QDPR: variants seen among roughly 807,000 people sequenced by gnomAD.
The protein encoded by QDPR is dihydropteridine reductase.
A neutral mutation model predicts 31.7 loss-of-function variants in QDPR; 23 were observed. The ratio of observed to expected loss-of-function variants is 0.73; its 90% CI spans 0.52 to 1.03. The LOEUF (loss-of-function observed/expected upper bound fraction) is 1.03, where lower values mean the gene tolerates loss of function less well. Ranked by LOEUF, QDPR falls within the 50% of genes least tolerant of loss-of-function variation. The probability of loss-of-function intolerance (pLI) is 0.00; values close to 1 mark genes in which losing one functional copy is unlikely to be tolerated. For missense variants in QDPR, 324 were observed against 323.8 expected, an observed-to-expected ratio of 1.00 and a Z score of 0.00; for synonymous variants, 124 against 124.7, an observed-to-expected ratio of 0.99 and a Z score of 0.03.
intron 3 of QDPR, 125 bp downstream of exon 3, chr4:17,504,254 G>T: frequency 1.3e-6 from 1 of 791,006 alleles, no homozygotes; most frequent in Non-Finnish European, 2.2e-6. Context: ...CTCTCCCCGA[G>T]CAACTGTAAA....
intron 6 of QDPR, among the ~76,000 whole-genome samples, chr4:17,488,466 A>G (rs1718048179): frequency 6.6e-6 from 1 of 152,148 alleles, no homozygotes; most frequent in Non-Finnish European, 1.5e-5. Context: ...AAAACAGACT[A>G]TTACAATAAA....
chr4:17,504,279 C>A (rs1338888427), intron 3 of QDPR, 100 bp downstream of exon 3: 1 of 970,622 alleles, frequency 1.0e-6, no homozygotes, highest in Non-Finnish European at 1.7e-6. Context: ...CCGGGATATA[C>A]ACAAAAAAAC....
rs1380198301 is a variant in QDPR at position 17,493,518 on chromosome 4, C to A, written c.437-1178G>T. ...CAAGCTTAATCAGGGGTTTGCACAACCCCCTCTTCAGGTGCAATAATTTGC... is the reference window on the plus strand; with the variant it reads ...CAAGCTTAATCAGGGGTTTGCACAAACCCCTCTTCAGGTGCAATAATTTGC... On this transcript the variant is annotated intron_variant, in intron 4 of 6. Transcript: ENST00000281243. Among the ~76,000 whole-genome samples, 3 of 152,176 alleles carry A rather than the reference C, an allele frequency of 2.0e-5. No individual in the cohort carries two copies. The South Asian group carries it at 6.2e-4, about 31-fold the overall frequency.
In QDPR at chr4:17,512,076, C is replaced by T. The variant is rs754390576; in HGVS notation, c.-22G>A. 1.5e-5 allele frequency: 23 copies of T among 1,556,688 alleles called. No individual in the cohort carries two copies. The highest frequency in any genetic ancestry group is 2.8e-5 in the African/African-American group (2 of 71,458). ...CCATCCTGCTCCTGCCAGCCCGGCT[C>T]CCGCAGCTCCGAATGCCTCGAGCCG... is the stretch of plus-strand genomic sequence containing the variant. On this transcript the variant is annotated 5_prime_UTR_variant, in exon 1 of 7. Transcript: ENST00000281243.
chr4:17,501,152 A>G (rs1220816144), intron 4 of QDPR, among the ~76,000 whole-genome samples: 1 of 152,144 alleles, frequency 6.6e-6, no homozygotes, highest in Non-Finnish European at 1.5e-5. Context: ...TCACACATCT[A>G]GGATAAAGAA....
Position 17,501,962 on chromosome 4 carries a change from C to T in QDPR, c.296-103G>A, listed in dbSNP as rs530386059. 4 of 1,428,362 alleles carry T rather than the reference C, an allele frequency of 2.8e-6. No individual in the cohort carries two copies. The African/African-American group carries it at 5.6e-5, about 20-fold the overall frequency. 88.5% of individuals were successfully genotyped at this position (1,428,362 alleles called of 1,614,324 possible). A position where few individuals can be genotyped will look rare whatever the true frequency, so the allele number is the denominator to read the frequency against. On this transcript the variant is annotated intron_variant, in intron 3 of 6. Coordinates refer to ENST00000281243, the MANE Select transcript of QDPR (RefSeq NM_000320.3). Reference sequence around the variant, plus strand: ...CTCAGGGAGGCCCTCCCTCCTGGTCCCCAGGTCCCTATCTACAGCAAGGTC... The same window carrying T: ...CTCAGGGAGGCCCTCCCTCCTGGTCTCCAGGTCCCTATCTACAGCAAGGTC...
At chr4:17,490,222 TC>T in intron 6 of QDPR, 1 of 224,316 alleles carries the variant, frequency 4.5e-6, no homozygotes, top group Non-Finnish European at 9.1e-6. Context: ...GGTGTCCCCC[TC>T]CCCCATGGAG....
At chr4:17,508,962 G>T (rs528611649) in intron 2 of QDPR, among the ~76,000 whole-genome samples, 83 of 152,232 alleles carry the variant, frequency 5.5e-4, no homozygotes, top group African/African-American at 1.5e-3. Flanking sequence ...TTCAAGATCA[G>T]CCTGGCCAAC....
intron 2 of QDPR, among the ~76,000 whole-genome samples, chr4:17,507,165 C>A (rs571982140): frequency 3.3e-5 from 5 of 152,292 alleles, no homozygotes; most frequent in African/African-American, 1.2e-4. Context: ...AGCAGACCCA[C>A]GTACAGACCA....
chr4:17,507,220 T>G (rs2518610), intron 2 of QDPR, among the ~76,000 whole-genome samples: 60,529 of 151,960 alleles, frequency 0.4, 12,362 homozygotes, highest in South Asian at 0.48. Flanking sequence ...AGACCTATGA[T>G]CCTGACTCCA....
intron 3 of QDPR, among the ~76,000 whole-genome samples, chr4:17,503,010 A>C (rs921191737): frequency 6.6e-6 from 1 of 152,244 alleles, no homozygotes; most frequent in Non-Finnish European, 1.5e-5. Flanking sequence ...GATGTCATAT[A>C]AGGTACACAC....
At chr4:17,509,703 CT>C (rs1718933515) in intron 1 of QDPR, among the ~76,000 whole-genome samples, 1 of 151,950 alleles carries the variant, frequency 6.6e-6, no homozygotes, top group Non-Finnish European at 1.5e-5. Flanking sequence ...AGAAGGAGGC[CT>C]TATCTCCATT....
intron 4 of QDPR, among the ~76,000 whole-genome samples, chr4:17,500,557 C>A (rs1718524410): frequency 6.6e-6 from 1 of 152,164 alleles, no homozygotes. Context: ...AGGACAGACA[C>A]ACAGAGGGAA....
intron 2 of QDPR, among the ~76,000 whole-genome samples, chr4:17,507,602 CTTTT>C (rs5856426): frequency 7.0e-6 from 1 of 143,702 alleles, no homozygotes; most frequent in Non-Finnish European, 1.5e-5. Flanking sequence ...ATTTTTCTTT[CTTTT>C]TTTTTTTTTT....
At chr4:17,504,618 A>G in intron 2 of QDPR, 143 bp from the exon 3 acceptor site, 1 of 738,932 alleles carries the variant, frequency 1.4e-6, no homozygotes, top group South Asian at 1.5e-5. Context: ...AATTAGACGG[A>G]AGACTAAGCT....
chr4:17,494,806 C>T (rs1243626930), intron 4 of QDPR, among the ~76,000 whole-genome samples: 1 of 152,138 alleles, frequency 6.6e-6, no homozygotes, highest in Non-Finnish European at 1.5e-5. Flanking sequence ...CCTGTTTTTC[C>T]AGCCACCAAA....
chr4:17,509,975 T>G (rs1371839706), intron 1 of QDPR: 1 of 456,052 alleles, frequency 2.2e-6, no homozygotes, highest in East Asian at 6.9e-5. Context: ...GTTACTCAAA[T>G]CTGCAATTGT....
In QDPR at chr4:17,512,001, G is replaced by T; in HGVS notation, c.54C>A (p.Gly18=). 10 of 1,610,228 alleles carry T rather than the reference G, an allele frequency of 6.2e-6. No individual in the cohort carries two copies. The highest frequency in any genetic ancestry group is 8.5e-6 in the Non-Finnish European group (10 of 1,178,984). ...GEARRVLVYG[G]RGALGSRCVQ... ...CGCATCGAGAACCCAGAGCGCCCCT[G>T]CCGCCGTACACCAGCACCCGGCGCG... The change falls in exon 1 of 7, where the codon GGC becomes GGA. Residue 18 remains glycine, a synonymous_variant. Transcript: ENST00000281243.
At chr4:17,498,639 TA>T (rs2108991354) in intron 4 of QDPR, among the ~76,000 whole-genome samples, 1 of 152,364 alleles carries the variant, frequency 6.6e-6, no homozygotes, top group South Asian at 2.1e-4. Flanking sequence ...ACTTCCAAAT[TA>T]CTGAATGATC....
Sources: gnomAD v4.1 joint callset for allele counts (sites outside exome capture counted in the v4.1 genomes callset) on GRCh38, gnomAD v4.1.1 for gene constraint, MANE v1.5 for transcripts, NCBI Gene and HGNC (gene_info 2026-07-23, HGNC 2026-07-21) for gene names.